HTR3B: variants seen among roughly 807,000 people sequenced by gnomAD.
HTR3B encodes 5-hydroxytryptamine (serotonin) receptor 3B, ionotropic.
HTR3B carries 44 observed loss-of-function variants against 42.8 expected under a neutral mutation model. The ratio of observed to expected loss-of-function variants is 1.03; its 90% CI spans 0.81 to 1.32. The LOEUF (loss-of-function observed/expected upper bound fraction) is 1.32, where lower values mean the gene tolerates loss of function less well. Ranked by LOEUF, HTR3B falls within the 40% of genes most tolerant of loss-of-function variation. The pLI, the probability that HTR3B is intolerant of heterozygous loss-of-function variation, is 0.00. For missense variants in HTR3B, 527 were observed against 536.5 expected, an observed-to-expected ratio of 0.98 and a Z score of 0.17; for synonymous variants, 203 against 209.0, an observed-to-expected ratio of 0.97 and a Z score of 0.25.
intron 6 of HTR3B, among the ~76,000 whole-genome samples, chr11:113,941,178 A>T (rs1220754391): frequency 1.3e-5 from 2 of 152,214 alleles, no homozygotes; most frequent in East Asian, 3.8e-4. Context: ...GAAACGGGAG[A>T]TTTCAAATGT....
At chr11:113,941,596 G>T (rs1294859750) in intron 6 of HTR3B, among the ~76,000 whole-genome samples, 1 of 152,124 alleles carries the variant, frequency 6.6e-6, no homozygotes, top group African/African-American at 2.4e-5. Flanking sequence ...CTGCATCTGT[G>T]CTCCTGGAGA....
chr11:113,906,325 A>G (rs1280009005), intron 1 of HTR3B, among the ~76,000 whole-genome samples: 1 of 152,186 alleles, frequency 6.6e-6, no homozygotes, highest in Admixed American at 6.5e-5. Context: ...GTGTGCTGGT[A>G]TAGAAGGAGG....
At chr11:113,932,602 C>A in intron 5 of HTR3B, 144 bp downstream of exon 5, 1 of 747,462 alleles carries the variant, frequency 1.3e-6, no homozygotes, top group Non-Finnish European at 2.1e-6. Context: ...TTGGCTCCTG[C>A]TGTAATCCAG....
rs542556393 is a variant in HTR3B, at chr11:113,943,087, C to A, written c.802C>A (p.Arg268=). The change falls in exon 7 of 9, where the codon CGA becomes AGA. Residue 268 remains arginine, a synonymous_variant. Transcript: ENST00000260191. Reference sequence around the variant, plus strand: ...GAGCTTCTACCTGCCACCCAACTGCCGAGCCAGGATTGTGTTCAAGACCAG... The same window carrying A: ...GAGCTTCTACCTGCCACCCAACTGCAGAGCCAGGATTGTGTTCAAGACCAG... ...LGSFYLPPNC[R]ARIVFKTSVL... 2 of 1,613,958 alleles carry A rather than the reference C, an allele frequency of 1.2e-6. No individual in the cohort carries two copies. The highest frequency in any genetic ancestry group is 1.7e-6 in the Non-Finnish European group (2 of 1,180,016).
rs1950046881 is a variant in HTR3B, at chr11:113,932,550, A to G, written c.538+92A>G. On this transcript the variant is annotated intron_variant, in intron 5 of 8. Transcript: ENST00000260191. ...CTTCAGGTCTATTTTATTCTTGCAG[A>G]TAATTGGCTATTTAAAAATTGGAAT... is the stretch of plus-strand genomic sequence containing the variant. The G allele has an allele frequency of 2.2e-5, 24 of 1,107,336 alleles. 1 individual carries two copies. In the South Asian group the frequency reaches 3.2e-4, roughly 15 times the overall value. 68.6% of individuals were successfully genotyped at this position (1,107,336 alleles called of 1,614,324 possible).
chr11:113,933,375 CCA>C (rs1439141377), intron 6 of HTR3B, among the ~76,000 whole-genome samples: 1 of 152,066 alleles, frequency 6.6e-6, no homozygotes, highest in Non-Finnish European at 1.5e-5. Flanking sequence ...TCCAATCTTT[CCA>C]CACACACTTA....
At chr11:113,928,218 CT>C (rs1174645802) in intron 2 of HTR3B, among the ~76,000 whole-genome samples, 1 of 152,024 alleles carries the variant, frequency 6.6e-6, no homozygotes, top group Non-Finnish European at 1.5e-5. Flanking sequence ...TGATCTCATT[CT>C]TTTTTTTATG....
At chr11:113,940,113 C>A (rs1320232407) in intron 6 of HTR3B, among the ~76,000 whole-genome samples, 1 of 152,108 alleles carries the variant, frequency 6.6e-6, no homozygotes, top group Admixed American at 6.5e-5. Flanking sequence ...TCTCAAACTC[C>A]TGACCTCAAG....
intron 1 of HTR3B, 56 bp downstream of exon 1, chr11:113,905,041 G>C: frequency 7.9e-7 from 1 of 1,259,988 alleles, no homozygotes; most frequent in Non-Finnish European, 1.2e-6. Context: ...AGAAGATAGA[G>C]ACAATATTTG....
At chr11:113,935,264 T>A (rs1388183700) in intron 6 of HTR3B, among the ~76,000 whole-genome samples, 1 of 152,088 alleles carries the variant, frequency 6.6e-6, no homozygotes, top group East Asian at 1.9e-4. Context: ...TCTGCTCTCC[T>A]CACTGCCATG....
chr11:113,918,963 T>C (rs1038846209), intron 2 of HTR3B, among the ~76,000 whole-genome samples: 1 of 152,206 alleles, frequency 6.6e-6, no homozygotes, highest in Non-Finnish European at 1.5e-5. Context: ...AGCCAATCTA[T>C]GCATTTTAGT....
intron 2 of HTR3B, among the ~76,000 whole-genome samples, chr11:113,921,413 GGATTA>G (rs1949911251): frequency 6.6e-6 from 1 of 152,086 alleles, no homozygotes; most frequent in Admixed American, 6.6e-5. Context: ...CAAAGTGCTA[GGATTA>G]CAAGTGTGAG....
chr11:113,904,911 T>C lies in HTR3B; in HGVS notation c.-23T>C. 3 of 1,609,956 alleles carry C rather than the reference T, an allele frequency of 1.9e-6. No homozygotes were observed. Among genetic ancestry groups the C allele is most frequent in the Non-Finnish European group, 2.6e-6 (3 of 1,176,286 alleles). ...CATCTGGTAGGCAAGTTTGCATTTC[T>C]CCTTTTTGGGATCTGCCCAGGAATG... On this transcript the variant is annotated 5_prime_UTR_variant, in exon 1 of 9. Transcript: ENST00000260191.
intron 6 of HTR3B, among the ~76,000 whole-genome samples, chr11:113,933,578 A>G (rs1010055513): frequency 6.6e-6 from 1 of 152,308 alleles, no homozygotes; most frequent in South Asian, 2.1e-4. Context: ...GGATTAGCCA[A>G]TAAGACCCAC....
At chr11:113,931,261 T>C in intron 2 of HTR3B, 123 bp from the exon 3 acceptor site, 2 of 721,550 alleles carry the variant, frequency 2.8e-6, no homozygotes, top group Non-Finnish European at 4.8e-6. Flanking sequence ...CTAGGTAATG[T>C]TTTTAATATC....
chr11:113,933,058 A>G lies in HTR3B; in HGVS notation c.661A>G (p.Ser221Gly), dbSNP rs1238987824. 1 of 1,614,148 alleles carries G rather than the reference A, an allele frequency of 6.2e-7. No individual in the cohort carries two copies. Among genetic ancestry groups the G allele is most frequent in the South Asian group, 1.1e-5 (1 of 91,076 alleles). The change falls in exon 6 of 9, where the codon AGC (serine) becomes GGC (glycine). Residue 221 changes from serine (S) to glycine (G), a missense_variant. Ser to Gly is a moderately conservative substitution (Grantham distance 56). Coordinates refer to ENST00000260191, the MANE Select transcript of HTR3B (RefSeq NM_006028.5). ...SVSSTYSILQ[S>G]SAGGFAQIQF... ...GTCCTCCACATACAGCATCCTGCAGAGCAGCGCTGGAGGATTTGCACAGAT... is the reference window on the plus strand; with the variant it reads ...GTCCTCCACATACAGCATCCTGCAGGGCAGCGCTGGAGGATTTGCACAGAT...
chr11:113,915,273 G>A (rs1298176131), intron 2 of HTR3B, among the ~76,000 whole-genome samples: 7 of 151,746 alleles, frequency 4.6e-5, no homozygotes, highest in East Asian at 1.9e-4. Context: ...GCGTGATCAC[G>A]GCTTACTGCA....
rs750023652 is a variant in HTR3B, at chr11:113,943,221, C to T, written c.907+29C>T. The T allele has an allele frequency of 5.2e-6, 8 of 1,523,900 alleles. No homozygotes were observed. The Admixed American group carries it at 1.4e-4, about 26-fold the overall frequency. 94.4% of individuals were successfully genotyped at this position (1,523,900 alleles called of 1,614,324 possible). A position where few individuals can be genotyped will look rare whatever the true frequency, so the allele number is the denominator to read the frequency against. ...AGCAGCCTCGGGGTCACTGGACACT[C>T]ATCTTACATGACCCCTGTGAAAGAT... On this transcript the variant is annotated intron_variant, in intron 7 of 8. Transcript: ENST00000260191.
chr11:113,930,468 G>T (rs184272663), intron 2 of HTR3B, among the ~76,000 whole-genome samples: 1 of 148,130 alleles, frequency 6.8e-6, no homozygotes, highest in Admixed American at 6.8e-5. Flanking sequence ...TTGGTGAGGA[G>T]GGTTTTTTTT....
Sources: allele counts gnomAD v4.1 joint callset (sites outside exome capture counted in the v4.1 genomes callset), GRCh38; gene constraint gnomAD v4.1.1; transcripts MANE v1.5; gene names NCBI Gene and HGNC (gene_info 2026-07-23, HGNC 2026-07-21).